Variants in RANBP2 observed in about 807,000 individuals in gnomAD.
RANBP2 encodes RAN binding protein 2.
Under a neutral mutation model 303.6 loss-of-function variants are expected in RANBP2, and 57 were observed. That is an observed-to-expected ratio of 0.19 (90% CI 0.15 to 0.23). The LOEUF is 0.23. Among genes scored for constraint, RANBP2 ranks in the 10% least tolerant of loss-of-function variants. RANBP2 has a pLI of 1.00. For synonymous variants in RANBP2, 1,167 were observed against 1,301.5 expected, an observed-to-expected ratio of 0.90 and a Z score of 2.23; for missense variants, 3,138 against 3,780.8, an observed-to-expected ratio of 0.83 and a Z score of 4.46.
the RANBP2 span, among the ~76,000 whole-genome samples, chr2:109,160,244 A>C: frequency 2.0e-5 from 3 of 152,222 alleles, no homozygotes; most frequent in Admixed American, 2.0e-4. Flanking sequence ...GCTGCTGAGC[A>C]GGGTGACCCA....
chr2:109,018,225 G>GATAAGGAGAAGGT, the RANBP2 span, among the ~76,000 whole-genome samples: 1 of 152,194 alleles, frequency 6.6e-6, no homozygotes, highest in Non-Finnish European at 1.5e-5. Flanking sequence ...TGACGGACAT[G>GATAAGGAGAAGGT]ATAAGGAGAA....
the RANBP2 span, among the ~76,000 whole-genome samples, chr2:109,377,577 G>A: frequency 2.8e-3 from 419 of 152,222 alleles, 3 homozygotes; most frequent in African/African-American, 9.5e-3. Flanking sequence ...AATTGTGGAT[G>A]GAATGCTGTT....
intron 17 of RANBP2, among the ~76,000 whole-genome samples, chr2:108,756,971 G>A (rs1017683235): frequency 3.3e-5 from 5 of 152,150 alleles, no homozygotes; most frequent in African/African-American, 4.8e-5. Context: ...ATGGATGAGT[G>A]GGGGAAATTT....
Position 108,758,487 on chromosome 2 carries a change from A to C in RANBP2, c.2541A>C (p.Gly847=), listed in dbSNP as rs746717364. 1 of 1,611,580 alleles carries C rather than the reference A, an allele frequency of 6.2e-7. No homozygotes were observed. The highest frequency in any genetic ancestry group is 2.2e-5 in the East Asian group (1 of 44,864). The change falls in exon 18 of 29, where the codon GGA becomes GGC. Residue 847 remains glycine (G), a synonymous_variant. Transcript: ENST00000283195. ...SPHRWPTENY[G]PDSVPDGYQG... is the part of the protein sequence containing the mutation. ...ATCGTTGGCCCACAGAGAATTATGG[A>C]CCAGACTCAGTGCCTGATGGATATC...
the RANBP2 span, among the ~76,000 whole-genome samples, chr2:109,096,953 C>T: frequency 9.2e-5 from 14 of 152,038 alleles, no homozygotes; most frequent in African/African-American, 9.7e-5. Context: ...CCTGTGATTC[C>T]GTCTCTAACC....
At chr2:109,178,348 T>C in the RANBP2 span, among the ~76,000 whole-genome samples, 6 of 152,248 alleles carry the variant, frequency 3.9e-5, no homozygotes, top group Non-Finnish European at 8.8e-5. Context: ...TGAATAATAC[T>C]GCTTCTGCTA....
At chr2:109,027,752 G>T in the RANBP2 span, among the ~76,000 whole-genome samples, 1 of 151,676 alleles carries the variant, frequency 6.6e-6, no homozygotes, top group African/African-American at 2.4e-5. Flanking sequence ...GGCTCCAGGA[G>T]TGGGCGGGGT....
chr2:109,501,376 T>C, the RANBP2 span: 2 of 522,874 alleles, frequency 3.8e-6, no homozygotes, highest in East Asian at 5.8e-5. Context: ...TAAAGATAAA[T>C]AGAAATTGTA....
At chr2:109,074,342 T>C in the RANBP2 span, among the ~76,000 whole-genome samples, 1 of 150,438 alleles carries the variant, frequency 6.6e-6, no homozygotes, top group South Asian at 2.1e-4. Context: ...CACTCCAGCC[T>C]GGACAACAGA....
At chr2:109,484,867 T>G in the RANBP2 span, among the ~76,000 whole-genome samples, 1 of 152,176 alleles carries the variant, frequency 6.6e-6, no homozygotes, top group Non-Finnish European at 1.5e-5. Flanking sequence ...TCCACTTGTG[T>G]CTGAACATCT....
chr2:109,130,223 G>A, the RANBP2 span: 5 of 1,054,742 alleles, frequency 4.7e-6, no homozygotes, highest in South Asian at 1.8e-4. Flanking sequence ...GTGGTCCTGC[G>A]TTGGCCCACT....
the RANBP2 span, among the ~76,000 whole-genome samples, chr2:109,566,534 A>C: frequency 6.6e-6 from 1 of 152,176 alleles, no homozygotes; most frequent in Non-Finnish European, 1.5e-5. Context: ...GTAACTATAC[A>C]ATAGTGTATT....
chr2:109,162,776 G>A, the RANBP2 span, among the ~76,000 whole-genome samples: 2 of 152,184 alleles, frequency 1.3e-5, no homozygotes, highest in Non-Finnish European at 2.9e-5. Context: ...GGTATTTCTA[G>A]TTCTAGATCC....
At chr2:108,897,210 C>T in the RANBP2 span, 1 of 1,613,734 alleles carries the variant, frequency 6.2e-7, no homozygotes, top group Non-Finnish European at 8.5e-7. Flanking sequence ...AATCAAATGG[C>T]AGCTCCGTGG....
the RANBP2 span, among the ~76,000 whole-genome samples, chr2:108,836,472 C>G: frequency 3.9e-5 from 6 of 152,280 alleles, no homozygotes; most frequent in East Asian, 9.6e-4. Flanking sequence ...TATGGACTTG[C>G]AAATATCCTT....
At chr2:108,809,448 T>G in the RANBP2 span, among the ~76,000 whole-genome samples, 2 of 141,138 alleles carry the variant, frequency 1.4e-5, no homozygotes, top group Admixed American at 7.1e-5. Context: ...ACATGAAATG[T>G]TGTGTGTGTG....
chr2:109,456,804 C>T, the RANBP2 span, among the ~76,000 whole-genome samples: 1 of 152,208 alleles, frequency 6.6e-6, no homozygotes, highest in South Asian at 2.1e-4. Flanking sequence ...TGAAACCAGG[C>T]TCCATGGTAC....
the RANBP2 span, among the ~76,000 whole-genome samples, chr2:109,606,574 T>C: frequency 6.6e-6 from 1 of 150,480 alleles, no homozygotes; most frequent in Non-Finnish European, 1.5e-5. Context: ...CTTTATTACC[T>C]GCAAAGATCT....
At chr2:109,463,038 G>A in the RANBP2 span, among the ~76,000 whole-genome samples, 1 of 152,208 alleles carries the variant, frequency 6.6e-6, no homozygotes, top group Admixed American at 6.5e-5. Flanking sequence ...TTTTGGTATG[G>A]CCCTGGGGTC....
Sources: allele counts gnomAD v4.1 joint callset (sites outside exome capture counted in the v4.1 genomes callset), GRCh38; gene constraint gnomAD v4.1.1; transcripts MANE v1.5; gene names NCBI Gene and HGNC (gene_info 2026-07-23, HGNC 2026-07-21).